FARS2: variants seen among roughly 807,000 people sequenced by gnomAD.
FARS2 encodes the protein phenylalanyl-tRNA synthetase 2, mitochondrial.
Under a neutral mutation model 46.4 loss-of-function variants are expected in FARS2, and 40 were observed. The observed-to-expected ratio is 0.86, with a 90% CI of 0.67 to 1.12. The LOEUF is 1.12. Ranked by LOEUF, FARS2 falls within the 50% of genes most tolerant of loss-of-function variation. FARS2 has a pLI of 0.00. For synonymous variants in FARS2, 234 were observed against 214.9 expected, an observed-to-expected ratio of 1.09 and a Z score of -0.78; for missense variants, 513 against 567.9, an observed-to-expected ratio of 0.90 and a Z score of 0.98.
rs184831476 is a variant in FARS2 at position 5,555,827 on chromosome 6, T to C, written c.1065+10487T>C. ...GGGATACAGGAAGAAATGTGAAAGATGACCAATCATAGAACCTTTTATATG... is the reference window on the plus strand; with the variant it reads ...GGGATACAGGAAGAAATGTGAAAGACGACCAATCATAGAACCTTTTATATG... On this transcript the variant is annotated intron_variant, in intron 5 of 6. Transcript: ENST00000274680. Among the ~76,000 whole-genome samples, 984 of 152,288 alleles carry C rather than the reference T, an allele frequency of 6.5e-3. 14 individuals carry two copies. The highest frequency in any genetic ancestry group is 0.023 in the African/African-American group (947 of 41,516).
chr6:5,621,166 G>A (rs939582335), intron 6 of FARS2, among the ~76,000 whole-genome samples: 2 of 152,112 alleles, frequency 1.3e-5, no homozygotes, highest in Non-Finnish European at 2.9e-5. Flanking sequence ...TGCCCAGGCT[G>A]GAGTGCAACT....
chr6:5,313,599 C>T (rs1448199366), intron 1 of FARS2, among the ~76,000 whole-genome samples: 1 of 151,946 alleles, frequency 6.6e-6, no homozygotes, highest in Non-Finnish European at 1.5e-5. Flanking sequence ...TTGAGTTGAG[C>T]TATTTTGGGA....
intron 1 of FARS2, among the ~76,000 whole-genome samples, chr6:5,292,598 G>T (rs909513573): frequency 4.6e-5 from 7 of 152,162 alleles, no homozygotes; most frequent in Non-Finnish European, 1.0e-4. Flanking sequence ...CATTCACCCA[G>T]GTAGTAAATG....
In FARS2 at chr6:5,263,490, C is replaced by G. The variant is rs1417687767; in HGVS notation, c.-22+1830C>G. ...AAATAATCATTCCGTAGCTACATCT[C>G]ACTTTTGCACATCTTCATTGCGGAG... On this transcript the variant is annotated intron_variant, in intron 1 of 6. Transcript: ENST00000274680. Among the ~76,000 whole-genome samples the G allele has an allele frequency of 2.0e-5, 3 of 152,170 alleles. No homozygotes were observed. In the East Asian group the frequency reaches 5.8e-4, roughly 29 times the overall value.
chr6:5,676,949 A>T (rs1333721182), intron 6 of FARS2, among the ~76,000 whole-genome samples: 1 of 152,236 alleles, frequency 6.6e-6, no homozygotes, highest in East Asian at 1.9e-4. Context: ...CACAGAGTAT[A>T]GTCATTCCTG....
intron 4 of FARS2, among the ~76,000 whole-genome samples, chr6:5,504,262 G>T (rs566845690): frequency 6.6e-6 from 1 of 151,952 alleles, no homozygotes; most frequent in African/African-American, 2.4e-5. Flanking sequence ...AGTTGAAAAG[G>T]CTTATAATAT....
chr6:5,352,889 C>G (rs1053440203), intron 1 of FARS2, among the ~76,000 whole-genome samples: 13 of 152,256 alleles, frequency 8.5e-5, no homozygotes, highest in African/African-American at 3.1e-4. Context: ...TTTCTGTCAT[C>G]TCACACATTC....
rs544954515 is a variant in FARS2, at chr6:5,275,453, T to C, written c.-22+13793T>C. 4.6e-5 allele frequency among the ~76,000 whole-genome samples: 7 copies of C among 152,322 alleles called. 1 individual carries two copies. In the South Asian group the frequency reaches 1.4e-3, roughly 32 times the overall value. On this transcript the variant is annotated intron_variant, in intron 1 of 6. Coordinates refer to ENST00000274680, the MANE Select transcript of FARS2 (RefSeq NM_006567.5). ...ATAATAGAAGGTTCCTGGTTTAATG[T>C]TGAGTTCTCCCACCAGAATGTGAAT...
chr6:5,282,561 G>C (rs1013627480), intron 1 of FARS2, among the ~76,000 whole-genome samples: 1 of 152,318 alleles, frequency 6.6e-6, no homozygotes, highest in African/African-American at 2.4e-5. Flanking sequence ...GAAAAAAAGA[G>C]CAGCTGTTCG....
At chr6:5,736,154 G>A (rs149025612) in intron 6 of FARS2, among the ~76,000 whole-genome samples, 97 of 152,266 alleles carry the variant, frequency 6.4e-4, no homozygotes, top group African/African-American at 2.2e-3. Context: ...GGAAAGGCTC[G>A]GTTCCTCCCT....
At chr6:5,620,572 T>G (rs376434492) in intron 6 of FARS2, among the ~76,000 whole-genome samples, 1 of 152,144 alleles carries the variant, frequency 6.6e-6, no homozygotes, top group Non-Finnish European at 1.5e-5. Context: ...ACTTCCCTAT[T>G]CCATTTCATT....
At chr6:5,432,456 TATATA>T (rs1202351099) in intron 4 of FARS2, among the ~76,000 whole-genome samples, 1 of 128,556 alleles carries the variant, frequency 7.8e-6, no homozygotes, top group East Asian at 2.0e-4. Context: ...AAATATATAT[TATATA>T]TTATATATAT....
At chr6:5,403,331 C>G (rs1165906659) in intron 2 of FARS2, among the ~76,000 whole-genome samples, 3 of 152,116 alleles carry the variant, frequency 2.0e-5, no homozygotes, top group Non-Finnish European at 4.4e-5. Flanking sequence ...TGTGCTCATC[C>G]TCATCAGGGG....
At chr6:5,685,963 G>A (rs2150845585) in intron 6 of FARS2, among the ~76,000 whole-genome samples, 1 of 152,304 alleles carries the variant, frequency 6.6e-6, no homozygotes, top group South Asian at 2.1e-4. Flanking sequence ...CCACTCGGAG[G>A]ATATTCAGAT....
intron 6 of FARS2, among the ~76,000 whole-genome samples, chr6:5,725,636 T>A (rs1238505811): frequency 6.6e-6 from 1 of 152,182 alleles, no homozygotes; most frequent in Non-Finnish European, 1.5e-5. Context: ...GGAAAAGTGC[T>A]TTAAAAAGGT....
At chr6:5,708,718 T>C (rs79850101) in intron 6 of FARS2, among the ~76,000 whole-genome samples, 16,018 of 152,080 alleles carry the variant, frequency 0.11, 2,757 homozygotes, top group African/African-American at 0.36. Flanking sequence ...TGGAGTACAG[T>C]GGCACTATCA....
intron 6 of FARS2, among the ~76,000 whole-genome samples, chr6:5,761,834 AT>A (rs1762492013): frequency 6.6e-6 from 1 of 150,678 alleles, no homozygotes; most frequent in Admixed American, 6.6e-5. Context: ...AAAAAGAGGC[AT>A]TTGTATACAA....
chr6:5,290,416 C>T (rs528805346), intron 1 of FARS2, among the ~76,000 whole-genome samples: 1 of 152,272 alleles, frequency 6.6e-6, no homozygotes, highest in South Asian at 2.1e-4. Context: ...CAGAAAAGAT[C>T]ACAGCAATTT....
intron 1 of FARS2, among the ~76,000 whole-genome samples, chr6:5,285,585 A>G (rs1767050598): frequency 6.6e-6 from 1 of 152,180 alleles, no homozygotes; most frequent in South Asian, 2.1e-4. Context: ...CTTGAATGTA[A>G]GGCTGCATCA....
Sources: gnomAD v4.1 joint callset for allele counts (sites outside exome capture counted in the v4.1 genomes callset) on GRCh38, gnomAD v4.1.1 for gene constraint, MANE v1.5 for transcripts, NCBI Gene and HGNC (gene_info 2026-07-23, HGNC 2026-07-21) for gene names.